The following DCC variants were observed in gnomAD, a reference collection of about 807,000 sequenced individuals.
DCC encodes netrin receptor DCC.
Under a neutral mutation model 172.5 loss-of-function variants are expected in DCC, and 58 were observed. The observed-to-expected ratio is 0.34, with a 90% CI of 0.27 to 0.42. The LOEUF is 0.42. Among genes scored for constraint, DCC ranks in the 10% least tolerant of loss-of-function variants. The probability of loss-of-function intolerance (pLI) is 1.00; values close to 1 mark genes in which losing one functional copy is unlikely to be tolerated. For missense variants in DCC, 1,740 were observed against 1,791.0 expected, an observed-to-expected ratio of 0.97 and a Z score of 0.51; for synonymous variants, 709 against 644.5, an observed-to-expected ratio of 1.10 and a Z score of -1.52.
chr18:52,415,951 T>C (rs1987009853), intron 1 of DCC, among the ~76,000 whole-genome samples: 1 of 152,166 alleles, frequency 6.6e-6, no homozygotes, highest in South Asian at 2.1e-4. Context: ...TCTAGTTCTT[T>C]TAATTGTGAT....
At chr18:52,711,768 TC>T (rs2036295601) in intron 1 of DCC, among the ~76,000 whole-genome samples, 1 of 152,174 alleles carries the variant, frequency 6.6e-6, no homozygotes. Flanking sequence ...ATCTTTGTGT[TC>T]CCTTGTGGTA....
intron 2 of DCC, among the ~76,000 whole-genome samples, chr18:52,854,187 T>C (rs1056654120): frequency 3.3e-5 from 5 of 152,200 alleles, no homozygotes; most frequent in African/African-American, 7.2e-5. Flanking sequence ...ACTGCAAATA[T>C]ACAAGCAGTT....
chr18:52,920,471 C>CT (rs2040105977), intron 3 of DCC, among the ~76,000 whole-genome samples: 1 of 150,802 alleles, frequency 6.6e-6, no homozygotes, highest in South Asian at 2.1e-4. Flanking sequence ...TAGGCAATTG[C>CT]AACTTAAAAC....
In DCC at chr18:53,017,777, A is replaced by G. The variant is rs1301320214; in HGVS notation, c.986-45528A>G. On this transcript the variant is annotated intron_variant, in intron 5 of 28. Transcript: ENST00000442544. Reference sequence around the variant, plus strand: ...ATCCATTGCTAGCAGCAGTAACATCATTTACTTTTACTATGCCAAAAATTT... The same window carrying G: ...ATCCATTGCTAGCAGCAGTAACATCGTTTACTTTTACTATGCCAAAAATTT... Among the ~76,000 whole-genome samples the G allele has an allele frequency of 2.6e-5, 4 of 152,290 alleles. No homozygotes were observed. The East Asian group carries it at 7.7e-4, about 29-fold the overall frequency.
intron 12 of DCC, among the ~76,000 whole-genome samples, chr18:53,290,978 C>A (rs1038587081): frequency 6.6e-6 from 1 of 152,010 alleles, no homozygotes; most frequent in African/African-American, 2.4e-5. Context: ...AATAGCCTGG[C>A]CAACACGGTG....
chr18:52,982,441 T>C lies in DCC; in HGVS notation c.985+57071T>C, dbSNP rs543961984. ...TGAGCCAGGGAAGCTAAACACTGTATATCTTCTCTACCTTTGTTCATTGCC... is the reference window on the plus strand; with the variant it reads ...TGAGCCAGGGAAGCTAAACACTGTACATCTTCTCTACCTTTGTTCATTGCC... On this transcript the variant is annotated intron_variant, in intron 5 of 28. Transcript: ENST00000442544. Among the ~76,000 whole-genome samples, 7 of 152,304 alleles carry C rather than the reference T, an allele frequency of 4.6e-5. No individual in the cohort carries two copies. The East Asian group carries it at 7.7e-4, about 17-fold the overall frequency.
intron 27 of DCC, among the ~76,000 whole-genome samples, chr18:53,502,349 A>G (rs1023849315): frequency 1.3e-5 from 2 of 152,158 alleles, no homozygotes; most frequent in South Asian, 2.1e-4. Flanking sequence ...TTCATTTCAT[A>G]ATGTCTTACC....
chr18:52,626,844 T>C (rs754884222), intron 1 of DCC, among the ~76,000 whole-genome samples: 16 of 152,180 alleles, frequency 1.1e-4, no homozygotes, highest in Middle Eastern at 3.2e-3. Context: ...GGAGAAAGTA[T>C]GTAGTTAGAT....
intron 1 of DCC, among the ~76,000 whole-genome samples, chr18:52,568,375 A>T (rs1016884468): frequency 2.0e-5 from 3 of 152,164 alleles, no homozygotes; most frequent in Non-Finnish European, 4.4e-5. Flanking sequence ...CCAATGTATT[A>T]TTCTTTAGCA....
intron 1 of DCC, among the ~76,000 whole-genome samples, chr18:52,602,288 TA>T (rs1329115883): frequency 6.6e-6 from 1 of 152,094 alleles, no homozygotes; most frequent in East Asian, 1.9e-4. Flanking sequence ...GGCATTCTCG[TA>T]AATATGTATT....
At chr18:53,368,977 A>C (rs1053913254) in intron 15 of DCC, among the ~76,000 whole-genome samples, 1 of 151,994 alleles carries the variant, frequency 6.6e-6, no homozygotes, top group African/African-American at 2.4e-5. Context: ...AAAAAAAATC[A>C]CTAGAATTTT....
intron 1 of DCC, among the ~76,000 whole-genome samples, chr18:52,599,456 C>T (rs958000395): frequency 6.6e-6 from 1 of 152,200 alleles, no homozygotes; most frequent in African/African-American, 2.4e-5. Flanking sequence ...TCCAATAATC[C>T]AAATTTAAAT....
chr18:52,542,776 T>C (rs534656243), intron 1 of DCC, among the ~76,000 whole-genome samples: 1 of 151,360 alleles, frequency 6.6e-6, no homozygotes, highest in African/African-American at 2.4e-5. Flanking sequence ...GAATAGGAGG[T>C]TGTAGTAAGC....
At chr18:53,373,782 G>A (rs1349674568) in intron 15 of DCC, among the ~76,000 whole-genome samples, 1 of 152,170 alleles carries the variant, frequency 6.6e-6, no homozygotes, top group Non-Finnish European at 1.5e-5. Flanking sequence ...TTCATGAACT[G>A]AGGCAATCTT....
At chr18:53,459,745 A>G (rs2045528058) in intron 24 of DCC, among the ~76,000 whole-genome samples, 1 of 152,184 alleles carries the variant, frequency 6.6e-6, no homozygotes, top group South Asian at 2.1e-4. Flanking sequence ...CTTAAATCCT[A>G]AATGGATTGA....
intron 2 of DCC, among the ~76,000 whole-genome samples, chr18:52,833,597 G>A (rs2038654031): frequency 1.3e-5 from 2 of 152,098 alleles, no homozygotes; most frequent in Non-Finnish European, 1.5e-5. Context: ...CCCAAACAAT[G>A]CTAAGGTTTC....
chr18:52,450,733 G>T (rs1988277030), intron 1 of DCC, among the ~76,000 whole-genome samples: 1 of 152,022 alleles, frequency 6.6e-6, no homozygotes, highest in African/African-American at 2.4e-5. Flanking sequence ...AAATGTAGTA[G>T]ATACTCAATA....
intron 1 of DCC, among the ~76,000 whole-genome samples, chr18:52,667,778 AG>A (rs901567011): frequency 2.6e-5 from 4 of 152,192 alleles, no homozygotes; most frequent in Non-Finnish European, 5.9e-5. Flanking sequence ...AAAGAAAGAA[AG>A]AAAGTAAAAG....
chr18:53,445,704 T>C (rs1216483163), intron 22 of DCC, among the ~76,000 whole-genome samples: 1 of 152,174 alleles, frequency 6.6e-6, no homozygotes, highest in Non-Finnish European at 1.5e-5. Context: ...TAATAAGTCT[T>C]TATTAAATAT....
Sources: allele counts gnomAD v4.1 joint callset (sites outside exome capture counted in the v4.1 genomes callset), GRCh38; gene constraint gnomAD v4.1.1; transcripts MANE v1.5; gene names NCBI Gene and HGNC (gene_info 2026-07-23, HGNC 2026-07-21).